Variants in CLIC2 observed in about 807,000 individuals in gnomAD.
CLIC2 encodes CLIC family member 2, also known as chloride intracellular channel protein 2.
A neutral mutation model predicts 14.8 loss-of-function variants in CLIC2; 9 were observed. The observed-to-expected ratio is 0.61, with a 90% CI of 0.37 to 1.06. The LOEUF (loss-of-function observed/expected upper bound fraction) is 1.06. Among genes scored for constraint, CLIC2 ranks in the 50% least tolerant of loss-of-function variants. The pLI is 0.01. For missense variants in CLIC2, 148 were observed against 181.4 expected, an observed-to-expected ratio of 0.82 and a Z score of 1.06; for synonymous variants, 61 against 66.3, an observed-to-expected ratio of 0.92 and a Z score of 0.39.
intron 1 of CLIC2, among the ~76,000 whole-genome samples, chrX:155,333,612 T>C (rs782779089): frequency 2.6e-4 from 29 of 110,818 alleles, no homozygotes; most frequent in Non-Finnish European, 5.3e-4. Flanking sequence ...GCTGTTTAAT[T>C]TCTACTGGGA....
chrX:155,307,101 T>C (rs1204618315), intron 1 of CLIC2, among the ~76,000 whole-genome samples: 1 of 111,622 alleles, frequency 9.0e-6, no homozygotes, highest in Admixed American at 9.6e-5. Context: ...CATATACATA[T>C]ATATATACAC....
intron 1 of CLIC2, among the ~76,000 whole-genome samples, chrX:155,334,069 G>A (rs1271334879): frequency 9.0e-6 from 1 of 111,228 alleles, no homozygotes; most frequent in African/African-American, 3.3e-5. Context: ...AGTCTGGAGA[G>A]AAGGAGGGAT....
rs782033164 is a variant in CLIC2 at position 155,290,797 on chromosome X, A to T, written c.293+7988T>A. ...TCCAACTGCACATAGTTCAGCTGTT[A>T]TTTATTTTTTCCAAAGCCTGAAAAG... On this transcript the variant is annotated intron_variant, in intron 3 of 5. Coordinates refer to ENST00000369449, the MANE Select transcript of CLIC2 (RefSeq NM_001289.6). 79 of 624,313 alleles carry T rather than the reference A, an allele frequency of 1.3e-4. No homozygotes were observed. The South Asian group carries it at 1.7e-3, about 13-fold the overall frequency. The allele number at this position is 624,313 out of a possible 1,213,427, so 51.5% of individuals were successfully genotyped here. A position where few individuals can be genotyped will look rare whatever the true frequency, so the allele number is the denominator to read the frequency against.
At chrX:155,288,191 G>T (rs1335653527) in intron 3 of CLIC2, among the ~76,000 whole-genome samples, 1 of 111,281 alleles carries the variant, frequency 9.0e-6, no homozygotes, top group Non-Finnish European at 1.9e-5. Context: ...ATTTTTTATT[G>T]TGATACAAAA....
chrX:155,294,727 A>G (rs1218574220), intron 3 of CLIC2, among the ~76,000 whole-genome samples: 3 of 112,160 alleles, frequency 2.7e-5, no homozygotes, highest in African/African-American at 9.7e-5. Flanking sequence ...ACAAAAGATT[A>G]CCAGAGACCA....
chrX:155,313,867 T>C (rs1172319182), intron 1 of CLIC2, among the ~76,000 whole-genome samples: 1 of 111,803 alleles, frequency 8.9e-6, no homozygotes, highest in Non-Finnish European at 1.9e-5. Flanking sequence ...AAGACTGGCC[T>C]TTAGGACTGC....
At chrX:155,282,253 G>A (rs782395287) in intron 3 of CLIC2, among the ~76,000 whole-genome samples, 2 of 111,562 alleles carry the variant, frequency 1.8e-5, no homozygotes, top group South Asian at 7.5e-4. Context: ...TTCTCTGGAC[G>A]CTCAATTGTA....
At chrX:155,278,597 T>A (rs2074907188) in intron 5 of CLIC2, among the ~76,000 whole-genome samples, 1 of 112,642 alleles carries the variant, frequency 8.9e-6, no homozygotes, top group Admixed American at 9.4e-5. Context: ...GTAATATTAT[T>A]ACAAAATAAG....
intron 3 of CLIC2, among the ~76,000 whole-genome samples, chrX:155,281,680 A>G (rs2124149934): frequency 9.0e-6 from 1 of 111,158 alleles, no homozygotes; most frequent in South Asian, 3.8e-4. Context: ...TGCCCAGTCC[A>G]AAGCCTATAT....
intron 1 of CLIC2, among the ~76,000 whole-genome samples, chrX:155,325,761 G>GATATAT (rs60334475): frequency 1.5e-3 from 50 of 32,856 alleles, no homozygotes; most frequent in Non-Finnish European, 2.3e-3. Flanking sequence ...AAGAAAATGT[G>GATATAT]ATATATATAT....
rs2075167666 is a variant in CLIC2 at position 155,334,506 on chromosome X, T to C, written c.-79A>G. 2.9e-5 allele frequency: 25 copies of C among 851,059 alleles called. No individual in the cohort carries two copies. Among genetic ancestry groups the C allele is most frequent in the Non-Finnish European group, 3.7e-5 (21 of 569,375 alleles). The allele number at this position is 851,059 out of a possible 1,213,427, so 70.1% of individuals were successfully genotyped here. On this transcript the variant is annotated 5_prime_UTR_variant, in exon 1 of 6. Coordinates refer to ENST00000369449, the MANE Select transcript of CLIC2 (RefSeq NM_001289.6). Reference sequence around the variant, plus strand: ...CTTGTAGACTCTTTTCTCAATTTTATCCAAAGACTCAAGTAATGTTGGTGC... The same window carrying C: ...CTTGTAGACTCTTTTCTCAATTTTACCCAAAGACTCAAGTAATGTTGGTGC...
chrX:155,311,751 A>G (rs1557320597), intron 1 of CLIC2, among the ~76,000 whole-genome samples: 1 of 112,231 alleles, frequency 8.9e-6, no homozygotes, highest in Non-Finnish European at 1.9e-5. Flanking sequence ...TAATGGACTC[A>G]TAGTTCCTTG....
chrX:155,278,327 G>A (rs1557316019), intron 5 of CLIC2, among the ~76,000 whole-genome samples: 1 of 111,717 alleles, frequency 9.0e-6, no homozygotes, highest in Non-Finnish European at 1.9e-5. Context: ...CACAGAAAAT[G>A]AGCACATATC....
intron 1 of CLIC2, among the ~76,000 whole-genome samples, chrX:155,312,310 A>G (rs1284747805): frequency 8.9e-6 from 1 of 111,840 alleles, no homozygotes; most frequent in Non-Finnish European, 1.9e-5. Flanking sequence ...TTTGCATTTC[A>G]GTACTTCACC....
In CLIC2 at chrX:155,334,449, T is replaced by TTTA; in HGVS notation, c.-23_-22insTAA. 1 of 1,179,951 alleles carries TTTA rather than the reference T, an allele frequency of 8.5e-7. No homozygotes were observed. The highest frequency in any genetic ancestry group is 1.2e-6 in the Non-Finnish European group (1 of 866,680). On this transcript the variant is annotated 5_prime_UTR_variant, in exon 1 of 6. Coordinates refer to ENST00000369449, the MANE Select transcript of CLIC2 (RefSeq NM_001289.6). ...ACATCTTTGTCTTTACTGCCAGTTG[T>TTTA]CAGCCTCCTGCCTCCTGTAGAGTCC...
chrX:155,304,579 C>T (rs1323663534), intron 1 of CLIC2, among the ~76,000 whole-genome samples: 9 of 99,826 alleles, frequency 9.0e-5, no homozygotes, highest in Non-Finnish European at 1.6e-4. Flanking sequence ...CTTCTCTCAG[C>T]TCGTCAAAGT....
chrX:155,314,515 G>A (rs1031414762), intron 1 of CLIC2, among the ~76,000 whole-genome samples: 8 of 111,937 alleles, frequency 7.1e-5, no homozygotes, highest in Non-Finnish European at 1.3e-4. Flanking sequence ...CAGGAAGCCC[G>A]AATTCTAGAG....
chrX:155,300,465 T>C (rs1242663155), intron 1 of CLIC2, among the ~76,000 whole-genome samples: 11 of 111,853 alleles, frequency 9.8e-5, no homozygotes, highest in African/African-American at 3.6e-4. Flanking sequence ...TCATTGTAGA[T>C]TCTGGATATT....
chrX:155,291,992 G>A (rs782488658), intron 3 of CLIC2, among the ~76,000 whole-genome samples: 1 of 112,175 alleles, frequency 8.9e-6, no homozygotes, highest in Admixed American at 9.4e-5. Context: ...GTCCTCGAAG[G>A]ATGAAATTGA....
Sources: gnomAD v4.1 joint callset for allele counts (sites outside exome capture counted in the v4.1 genomes callset) on GRCh38, gnomAD v4.1.1 for gene constraint, MANE v1.5 for transcripts, NCBI Gene and HGNC (gene_info 2026-07-23, HGNC 2026-07-21) for gene names.